Variants in SHMT2 observed in about 807,000 individuals in gnomAD.
SHMT2 encodes the protein serine hydroxymethyltransferase 2.
SHMT2 carries 38 observed loss-of-function variants against 59.6 expected under a neutral mutation model. The ratio of observed to expected loss-of-function variants is 0.64; its 90% CI spans 0.49 to 0.84. The LOEUF (loss-of-function observed/expected upper bound fraction) is 0.84. Among genes scored for constraint, SHMT2 ranks in the 40% least tolerant of loss-of-function variants. The pLI is 0.00. For synonymous variants in SHMT2, 254 were observed against 258.1 expected (o/e 0.98, Z 0.15); for missense variants, 533 against 659.5 (o/e 0.81, Z 2.10).
In SHMT2 at chr12:57,233,350, G is replaced by A. The variant is rs2037407080; in HGVS notation, c.1023+5G>A. The A allele has an allele frequency of 6.3e-7, 1 of 1,590,202 alleles. No homozygotes were observed. The highest frequency in any genetic ancestry group is 1.8e-5 in the Admixed American group (1 of 55,234). On this transcript the variant is annotated splice_donor_5th_base_variant and intron_variant, in intron 8 of 11. Transcript: ENST00000328923. Reference sequence around the variant, plus strand: ...GTAGCTGTGGCCCTAAAGCAGGTTGGGGATCCTGTCTTTGTAGGGTGTGGG... The same window carrying A: ...GTAGCTGTGGCCCTAAAGCAGGTTGAGGATCCTGTCTTTGTAGGGTGTGGG...
intron 2 of SHMT2, 190 bp downstream of exon 2, chr12:57,231,190 G>A: frequency 3.1e-6 from 2 of 648,964 alleles, no homozygotes; most frequent in African/African-American, 1.8e-5. Flanking sequence ...CATTTAGGGA[G>A]CCTCCAGGGT....
intron 7 of SHMT2, 75 bp from the exon 8 acceptor site, chr12:57,233,105 C>T (rs1177946506): frequency 4.9e-5 from 73 of 1,486,632 alleles, no homozygotes; most frequent in Non-Finnish European, 6.1e-5. Context: ...GGCCCAGGTC[C>T]GCCAGCTTCC....
chr12:57,231,902 C>G lies in SHMT2; in HGVS notation c.501C>G (p.Pro167=). The part of the protein sequence containing the change: ...PHDRIMGLDL[P]DGGHLTHGYM... ...ACCGGATCATGGGGCTGGACCTGCC[C>G]GATGGGGGCCAGTGAGTATGGATGG... The change falls in exon 4 of 12, where the codon CCC becomes CCG. Residue 167 remains proline, a synonymous_variant. Coordinates refer to ENST00000328923, the MANE Select transcript of SHMT2 (RefSeq NM_005412.6). 2 of 1,608,374 alleles carry G rather than the reference C, an allele frequency of 1.2e-6. No individual in the cohort carries two copies. The highest frequency in any genetic ancestry group is 8.5e-7 in the Non-Finnish European group (1 of 1,177,268).
In SHMT2 at chr12:57,230,895, C is replaced by A. The variant is rs369518884; in HGVS notation, c.126C>A (p.Gly42=). The change falls in exon 2 of 12, where the codon GGC becomes GGA. Residue 42 remains glycine (G), a synonymous_variant. Transcript: ENST00000328923. ...AQTQTGEANR[G]WTGQESLSDS... is the part of the protein sequence containing the mutation. ...CTCAGACTGGGGAAGCAAACAGGGGCTGGACAGGCCAGGAGAGCCTGTCGG... is the reference window on the plus strand; with the variant it reads ...CTCAGACTGGGGAAGCAAACAGGGGATGGACAGGCCAGGAGAGCCTGTCGG... 1.2e-6 allele frequency: 2 copies of A among 1,613,990 alleles called. No individual in the cohort carries two copies. The highest frequency in any genetic ancestry group is 2.7e-5 in the African/African-American group (2 of 74,906).
chr12:57,231,516 G>A lies in SHMT2; in HGVS notation c.267G>A (p.Gly89=), dbSNP rs2037316832. ...FCSRAALEAL[G]SCLNNKYSEG... The stretch of plus-strand genomic sequence containing the variant: ...GCCGAGCTGCGCTGGAGGCCCTGGG[G>A]TCCTGTCTGAACAACAAGTACTCGG... Residue 89 remains glycine, a synonymous_variant, in exon 3 of 12, where the codon GGG becomes GGA. Coordinates refer to ENST00000328923, the MANE Select transcript of SHMT2 (RefSeq NM_005412.6). 7 of 1,614,244 alleles carry A rather than the reference G, an allele frequency of 4.3e-6. No homozygotes were observed. Among genetic ancestry groups the A allele is most frequent in the Non-Finnish European group, 5.9e-6 (7 of 1,180,038 alleles).
At chr12:57,230,488 A>T in intron 1 of SHMT2, 1 of 1,243,720 alleles carries the variant, frequency 8.0e-7, no homozygotes, top group East Asian at 4.3e-5. Context: ...CTGGAATCTC[A>T]GTTGCCCTCT....
At chr12:57,232,100 C>T (rs1013203475) in intron 4 of SHMT2, 111 bp from the exon 5 acceptor site, 25 of 1,154,372 alleles carry the variant, frequency 2.2e-5, no homozygotes, top group South Asian at 3.8e-5. Flanking sequence ...AGCAGTGAGG[C>T]GGTGTGTCCT....
In SHMT2 at chr12:57,234,309, G is replaced by A. The variant is rs200906224; in HGVS notation, c.1463G>A (p.Arg488Gln). 2.9e-5 allele frequency: 47 copies of A among 1,613,264 alleles called. No homozygotes were observed. In the Admixed American group the frequency reaches 4.0e-4, roughly 14 times the overall value. The change falls in exon 12 of 12, where the codon CGG becomes CAG. Residue 488 changes from arginine (R) to glutamine (Q), a missense_variant. By Grantham distance (43) the Arg-to-Gln change is conservative. Transcript: ENST00000328923. ...CAGCGTCTGGCCAACCTCAGGCAAC[G>A]GGTGGAGCAGTTTGCCAGGGCCTTC... ...TSQRLANLRQ[R>Q]VEQFARAFPM...
chr12:57,233,152 A>G (rs766212512), intron 7 of SHMT2, 28 bp from the exon 8 acceptor site: 2 of 1,517,552 alleles, frequency 1.3e-6, no homozygotes, highest in East Asian at 2.3e-5. Context: ...TTTTCAGCTT[A>G]GACTCTGACC....
chr12:57,230,180 G>C, intron 1 of SHMT2: 2 of 1,295,826 alleles, frequency 1.5e-6, no homozygotes, highest in Non-Finnish European at 2.0e-6. Context: ...TGATGCAACC[G>C]AGCTTCACTG....
chr12:57,232,952 A>G, intron 7 of SHMT2, 109 bp downstream of exon 7: 1 of 1,433,870 alleles, frequency 7.0e-7, no homozygotes, highest in South Asian at 1.3e-5. Flanking sequence ...AGCCCTTAAG[A>G]CTCCTGCCCA....
At chr12:57,230,223 G>A in intron 1 of SHMT2, 1 of 1,254,458 alleles carries the variant, frequency 8.0e-7, no homozygotes, top group South Asian at 1.4e-5. Context: ...GCGGCAGTGA[G>A]GGCTGGAAGG....
At position 57,232,194 on chromosome 12, in the gene SHMT2, T is replaced by G. The variant is rs1163700247; in HGVS notation, c.513-17T>G. The G allele has an allele frequency of 1.2e-6, 2 of 1,613,044 alleles. No individual in the cohort carries two copies. Among genetic ancestry groups the G allele is most frequent in the South Asian group, 2.2e-5 (2 of 91,070 alleles). ...GGTCCTTCCACCCAGGCCTTCTTAC[T>G]TCCTCTCACTTCGCAGTCTCACCCA... On this transcript the variant is annotated splice_polypyrimidine_tract_variant and intron_variant, in intron 4 of 11. Coordinates refer to ENST00000328923, the MANE Select transcript of SHMT2 (RefSeq NM_005412.6).
In SHMT2 at chr12:57,232,251, G is replaced by GCCACGT; in HGVS notation, c.557_562dup (p.Thr186_Ser187dup). On this transcript the variant is annotated inframe_insertion, in exon 5 of 12. Transcript: ENST00000328923. ...CATGTCTGACGTCAAGCGGATATCA[G>GCCACGT]CCACGTCCATCTTCTTCGAGTCTAT... 1 of 1,614,184 alleles carries GCCACGT rather than the reference G, an allele frequency of 6.2e-7. No individual in the cohort carries two copies. The highest frequency in any genetic ancestry group is 1.7e-5 in the Admixed American group (1 of 60,022).
rs2037329372 is a variant in SHMT2, at chr12:57,231,783, G to A, written c.382G>A (p.Asp128Asn). ...LCQRRALEAF[D>N]LDPAQWGVNV... Reference sequence around the variant, plus strand: ...CCAGCGCCGGGCCTTGGAAGCCTTTGACCTGGATCCTGCACAGTGGGGAGT... The same window carrying A: ...CCAGCGCCGGGCCTTGGAAGCCTTTAACCTGGATCCTGCACAGTGGGGAGT... Residue 128 changes from aspartate (D) to asparagine (N), a missense_variant, in exon 4 of 12, where the codon GAC becomes AAC. Asp to Asn is a conservative substitution (Grantham distance 23, BLOSUM62 1). Coordinates refer to ENST00000328923, the MANE Select transcript of SHMT2 (RefSeq NM_005412.6). 1 of 1,614,130 alleles carries A rather than the reference G, an allele frequency of 6.2e-7. No homozygotes were observed. The highest frequency in any genetic ancestry group is 8.5e-7 in the Non-Finnish European group (1 of 1,180,010).
chr12:57,233,064 T>C, intron 7 of SHMT2, 116 bp from the exon 8 acceptor site: 1 of 1,318,370 alleles, frequency 7.6e-7, no homozygotes, highest in Non-Finnish European at 1.0e-6. Context: ...TGGAATCCAG[T>C]GTACCAAGCC....
rs1335981062 is a variant in SHMT2 at position 57,231,921 on chromosome 12, T to C, written c.512+8T>C. 6.2e-7 allele frequency: 1 copy of C among 1,600,160 alleles called. No individual in the cohort carries two copies. The highest frequency in any genetic ancestry group is 1.3e-5 in the African/African-American group (1 of 74,732). On this transcript the variant is annotated splice_region_variant and intron_variant, in intron 4 of 11. Coordinates refer to ENST00000328923, the MANE Select transcript of SHMT2 (RefSeq NM_005412.6). ...CCTGCCCGATGGGGGCCAGTGAGTATGGATGGGCTGGCTGATGGTCTTGGC... is the reference window on the plus strand; with the variant it reads ...CCTGCCCGATGGGGGCCAGTGAGTACGGATGGGCTGGCTGATGGTCTTGGC...
At position 57,234,372 on chromosome 12, in the gene SHMT2, G is replaced by A. The variant is rs2037466815; in HGVS notation, c.*11G>A. On this transcript the variant is annotated 3_prime_UTR_variant, in exon 12 of 12. Transcript: ENST00000328923. ...TTTGATGAGCATTGAAGGCACCTGG[G>A]AAATGAGGCCCACAGACTCAAAGTT... 6.4e-7 allele frequency: 1 copy of A among 1,571,064 alleles called. No individual in the cohort carries two copies. Among genetic ancestry groups the A allele is most frequent in the Non-Finnish European group, 8.6e-7 (1 of 1,158,650 alleles).
chr12:57,230,194 G>GGT, intron 1 of SHMT2: 4 of 1,284,482 alleles, frequency 3.1e-6, no homozygotes, highest in Middle Eastern at 2.1e-4. Flanking sequence ...TTCACTGCTT[G>GGT]CATCAGGCAG....
Sources: allele counts gnomAD v4.1 joint callset, GRCh38; gene constraint gnomAD v4.1.1; transcripts MANE v1.5; gene names NCBI Gene and HGNC (gene_info 2026-07-23, HGNC 2026-07-21).